Variants in MCTP1 observed in about 807,000 individuals in gnomAD.
MCTP1 encodes multiple C2 and transmembrane domain-containing protein 1.
A neutral mutation model predicts 120.6 loss-of-function variants in MCTP1; 69 were observed. The ratio of observed to expected loss-of-function variants is 0.57; its 90% CI spans 0.47 to 0.70. The LOEUF (loss-of-function observed/expected upper bound fraction) is 0.70, where lower values mean the gene tolerates loss of function less well. MCTP1 is among the 30% of genes least tolerant of loss of function. The probability of loss-of-function intolerance (pLI) is 0.00; values close to 1 mark genes in which losing one functional copy is unlikely to be tolerated. For missense variants in MCTP1, 1,203 were observed against 1,248.8 expected (o/e 0.96, Z 0.55); for synonymous variants, 529 against 493.1 (o/e 1.07, Z -0.96).
At chr5:95,276,341 C>T (rs1282482182) in intron 1 of MCTP1, among the ~76,000 whole-genome samples, 5 of 136,854 alleles carry the variant, frequency 3.7e-5, no homozygotes, top group Non-Finnish European at 7.7e-5. Context: ...TCATTGCAAC[C>T]TCTGCATCCT....
chr5:95,207,991 AAGAGAGGGAGAGAGAGGGAG>A (rs1237232318), intron 1 of MCTP1, among the ~76,000 whole-genome samples: 2 of 57,792 alleles, frequency 3.5e-5, no homozygotes, highest in African/African-American at 1.1e-4. Flanking sequence ...GAGAGAGAGA[AAGAGAGGGAGAGAGAGGGAG>A]AGAGAGGGAG....
intron 1 of MCTP1, among the ~76,000 whole-genome samples, chr5:95,164,709 A>G (rs987838064): frequency 3.9e-5 from 6 of 152,204 alleles, no homozygotes; most frequent in African/African-American, 1.4e-4. Context: ...TCTGAAATTC[A>G]AATTTAACTG....
intron 1 of MCTP1, among the ~76,000 whole-genome samples, chr5:95,165,472 ATATC>A (rs1746217996): frequency 1.3e-5 from 2 of 152,344 alleles, no homozygotes; most frequent in Admixed American, 6.5e-5. Context: ...TTACACATCT[ATATC>A]AATCTATGTG....
At chr5:94,798,483 T>A (rs1780528814) in intron 18 of MCTP1, among the ~76,000 whole-genome samples, 1 of 152,126 alleles carries the variant, frequency 6.6e-6, no homozygotes, top group African/African-American at 2.4e-5. Flanking sequence ...TAAGCTGATA[T>A]CTCAATACAC....
chr5:95,028,164 A>C (rs1839631524), intron 1 of MCTP1, among the ~76,000 whole-genome samples: 1 of 152,228 alleles, frequency 6.6e-6, no homozygotes, highest in South Asian at 2.1e-4. Context: ...GTAACTGATC[A>C]TTCAAAATAG....
At position 95,021,226 on chromosome 5, in the gene MCTP1, T is replaced by C. The variant is rs1309097635; in HGVS notation, c.721-3742A>G. 2.0e-5 allele frequency among the ~76,000 whole-genome samples: 3 copies of C among 152,154 alleles called. No individual in the cohort carries two copies. The East Asian group carries it at 5.8e-4, about 29-fold the overall frequency. On this transcript the variant is annotated intron_variant, in intron 1 of 22. Transcript: ENST00000515393. ...GTCAGGTTGTGAGCATTAACGCATA[T>C]AAGATGTTAAAATATTGCCTGGCTG... is the stretch of plus-strand genomic sequence containing the variant.
intron 1 of MCTP1, among the ~76,000 whole-genome samples, chr5:95,046,979 T>C (rs887610814): frequency 5.9e-5 from 9 of 152,158 alleles, no homozygotes; most frequent in Non-Finnish European, 8.8e-5. Context: ...GAAGGTAAGC[T>C]CTTTGAAAGC....
chr5:95,053,592 C>T (rs1746582480), intron 1 of MCTP1, among the ~76,000 whole-genome samples: 2 of 152,130 alleles, frequency 1.3e-5, no homozygotes, highest in African/African-American at 2.4e-5. Context: ...AAGCTCCAAT[C>T]TATATTATTT....
chr5:94,776,874 T>C lies in MCTP1; in HGVS notation c.2610+2236A>G, dbSNP rs532740904. Among the ~76,000 whole-genome samples, 4 of 152,320 alleles carry C rather than the reference T, an allele frequency of 2.6e-5. No homozygotes were observed. In the South Asian group the frequency reaches 8.3e-4, roughly 32 times the overall value. ...TTACCGCTGTGAAAGCCTGTCGAGA[T>C]GGAAGATGGAACCTTGCAGGATCCT... On this transcript the variant is annotated intron_variant, in intron 19 of 22. Transcript: ENST00000515393.
chr5:95,042,149 A>G (rs1842460937), intron 1 of MCTP1, among the ~76,000 whole-genome samples: 1 of 152,180 alleles, frequency 6.6e-6, no homozygotes, highest in Non-Finnish European at 1.5e-5. Context: ...TATAATTGGC[A>G]TATTCACACA....
chr5:94,994,729 G>A (rs1423492560), intron 2 of MCTP1, among the ~76,000 whole-genome samples: 1 of 152,138 alleles, frequency 6.6e-6, no homozygotes. Flanking sequence ...ATTTGAGTCA[G>A]TGGACTGCAA....
chr5:94,971,022 A>T lies in MCTP1; in HGVS notation c.839-17661T>A, dbSNP rs556611124. 8.4e-4 allele frequency among the ~76,000 whole-genome samples: 128 copies of T among 152,116 alleles called. 1 individual carries two copies. Among genetic ancestry groups the T allele is most frequent in the African/African-American group, 3.1e-3 (127 of 41,522 alleles). ...GCAATGATTCTGGGATTTTCTTCTTATTTGGATTCTGCAGTCCCAGTACTC... is the reference window on the plus strand; with the variant it reads ...GCAATGATTCTGGGATTTTCTTCTTTTTTGGATTCTGCAGTCCCAGTACTC... On this transcript the variant is annotated intron_variant, in intron 2 of 22. Transcript: ENST00000515393.
intron 1 of MCTP1, among the ~76,000 whole-genome samples, chr5:95,040,756 T>TG (rs1288329730): frequency 6.6e-6 from 1 of 152,166 alleles, no homozygotes; most frequent in African/African-American, 2.4e-5. Context: ...CCACAGTGAC[T>TG]GATTCAGGGT....
chr5:94,928,783 G>C (rs17421617), intron 6 of MCTP1, among the ~76,000 whole-genome samples: 5,130 of 152,104 alleles, frequency 0.034, 126 homozygotes, highest in Middle Eastern at 0.068. Flanking sequence ...GGTAAGTTTA[G>C]ATGCATTTTT....
intron 10 of MCTP1, among the ~76,000 whole-genome samples, chr5:94,901,513 C>G (rs1206243634): frequency 6.6e-6 from 1 of 151,994 alleles, no homozygotes; most frequent in Non-Finnish European, 1.5e-5. Flanking sequence ...TGGGATGGTA[C>G]CTCAGAGAGT....
chr5:95,112,618 C>A (rs1554208851), intron 1 of MCTP1, among the ~76,000 whole-genome samples: 1 of 152,006 alleles, frequency 6.6e-6, no homozygotes, highest in Non-Finnish European at 1.5e-5. Flanking sequence ...CAGATTTTAC[C>A]TAATCTAAGA....
At chr5:95,092,746 T>C (rs1039232013) in intron 1 of MCTP1, among the ~76,000 whole-genome samples, 1 of 151,984 alleles carries the variant, frequency 6.6e-6, no homozygotes, top group Non-Finnish European at 1.5e-5. Flanking sequence ...TATACCATTT[T>C]CAAAAATAAT....
At chr5:94,946,126 A>G (rs958044839) in intron 3 of MCTP1, among the ~76,000 whole-genome samples, 1 of 152,194 alleles carries the variant, frequency 6.6e-6, no homozygotes, top group African/African-American at 2.4e-5. Context: ...TATCAAAGGT[A>G]AATGATACAG....
intron 17 of MCTP1, among the ~76,000 whole-genome samples, chr5:94,841,560 T>C (rs1174903212): frequency 6.6e-6 from 1 of 152,196 alleles, no homozygotes; most frequent in Non-Finnish European, 1.5e-5. Flanking sequence ...ACATCTCTGA[T>C]CAACAGCAGC....
Sources: gnomAD v4.1 joint callset for allele counts (sites outside exome capture counted in the v4.1 genomes callset) on GRCh38, gnomAD v4.1.1 for gene constraint, MANE v1.5 for transcripts, NCBI Gene and HGNC (gene_info 2026-07-23, HGNC 2026-07-21) for gene names.